CHST11: variants seen among roughly 807,000 people sequenced by gnomAD.
The protein encoded by CHST11 is carbohydrate sulfotransferase 11.
A neutral mutation model predicts 30.4 loss-of-function variants in CHST11; 9 were observed. The ratio of observed to expected loss-of-function variants is 0.30; its 90% CI spans 0.18 to 0.52. The LOEUF (loss-of-function observed/expected upper bound fraction) is 0.52, where lower values mean the gene tolerates loss of function less well. CHST11 is among the 20% of genes least tolerant of loss of function. The pLI, the probability that CHST11 is intolerant of heterozygous loss-of-function variation, is 0.97. For synonymous variants in CHST11, 152 were observed against 187.8 expected (o/e 0.81, Z 1.56); for missense variants, 348 against 460.6 (o/e 0.76, Z 2.24).
At chr12:104,467,349 C>G (rs1301379167) in intron 1 of CHST11, among the ~76,000 whole-genome samples, 1 of 152,134 alleles carries the variant, frequency 6.6e-6, no homozygotes, top group African/African-American at 2.4e-5. Flanking sequence ...AATGGGAAGT[C>G]TGATGTTTCC....
chr12:104,718,603 T>C (rs2040149999), intron 2 of CHST11, among the ~76,000 whole-genome samples: 1 of 152,168 alleles, frequency 6.6e-6, no homozygotes, highest in Admixed American at 6.5e-5. Flanking sequence ...TGCAGTCCCT[T>C]TGAGGAGTGG....
intron 2 of CHST11, among the ~76,000 whole-genome samples, chr12:104,679,050 A>G (rs1351808433): frequency 6.6e-6 from 1 of 152,138 alleles, no homozygotes. Context: ...TGTCGTTGGT[A>G]CTCAGTAGAC....
At chr12:104,698,545 T>C (rs532019507) in intron 2 of CHST11, among the ~76,000 whole-genome samples, 2 of 152,312 alleles carry the variant, frequency 1.3e-5, no homozygotes, top group South Asian at 2.1e-4. Flanking sequence ...CACCCATCTC[T>C]GTAGTCTCAG....
intron 1 of CHST11, among the ~76,000 whole-genome samples, chr12:104,496,104 T>G (rs1293565171): frequency 6.6e-6 from 1 of 152,238 alleles, no homozygotes; most frequent in Non-Finnish European, 1.5e-5. Flanking sequence ...TGAATTCCCT[T>G]GTTAAATGAA....
intron 2 of CHST11, among the ~76,000 whole-genome samples, chr12:104,702,829 G>A (rs180829301): frequency 7.9e-5 from 12 of 152,326 alleles, no homozygotes; most frequent in African/African-American, 2.2e-4. Flanking sequence ...ACAGCGGGTC[G>A]GCGAGAGTCG....
intron 1 of CHST11, among the ~76,000 whole-genome samples, chr12:104,539,120 A>G (rs1429021948): frequency 6.6e-6 from 1 of 152,196 alleles, no homozygotes; most frequent in Non-Finnish European, 1.5e-5. Flanking sequence ...TATATCTGCT[A>G]ACCGTTCTTC....
At chr12:104,541,426 G>A (rs537076900) in intron 1 of CHST11, among the ~76,000 whole-genome samples, 12 of 151,980 alleles carry the variant, frequency 7.9e-5, no homozygotes, top group Non-Finnish European at 1.5e-4. Flanking sequence ...TAGTCATCTC[G>A]GTGCAGCTTT....
chr12:104,625,542 C>T lies in CHST11; in HGVS notation c.204+23551C>T, dbSNP rs557048532. 2.6e-5 allele frequency among the ~76,000 whole-genome samples: 4 copies of T among 152,248 alleles called. No homozygotes were observed. In the South Asian group the frequency reaches 8.3e-4, roughly 32 times the overall value. On this transcript the variant is annotated intron_variant, in intron 2 of 2. Coordinates refer to ENST00000303694, the MANE Select transcript of CHST11 (RefSeq NM_018413.6). ...CTGGTCTTGAACTCCTGACCTCAGG[C>T]GATCCGCCCGCCTTGGCCTCCCAAA...
rs754001693 is a variant in CHST11 at position 104,757,796 on chromosome 12, T to G, written c.1052T>G (p.Leu351Trp). The G allele has an allele frequency of 1.4e-5, 22 of 1,610,624 alleles. No individual in the cohort carries two copies. The highest frequency in any genetic ancestry group is 5.3e-5 in the African/African-American group (4 of 74,844). ...TACTCAGTGCCAAGCTACCTGAAAT[T>G]GGAATAAAGGGGGTGGGGAGAGGGA... ...FNYSVPSYLK[L>W]E The change falls in exon 3 of 3, where the codon TTG (leucine) becomes TGG (tryptophan). Residue 351 changes from leucine to tryptophan, a missense_variant. Physicochemically the swap from Leu to Trp is moderately conservative, Grantham distance 61 (BLOSUM62 -2). Around this residue, in one of 3 missense-constraint regions of CHST11, gnomAD observed 210 missense variants for 287.2 expected, o/e 0.73. Coordinates refer to ENST00000303694, the MANE Select transcript of CHST11 (RefSeq NM_018413.6). This position sits in a 1 kb window ranked among gnomAD's most constrained non-coding sequence, Gnocchi z 6.5.
rs143157513 is a variant in CHST11, at chr12:104,600,327, C to A, written c.119-1579C>A. On this transcript the variant is annotated intron_variant, in intron 1 of 2. Transcript: ENST00000303694. This position sits in a 1 kb window ranked among gnomAD's most constrained non-coding sequence, Gnocchi z 4.1. The stretch of plus-strand genomic sequence containing the variant: ...CCCTGGGCTAACCCCCTGCAGCCAG[C>A]CCTCCCAGTCATTTGAGCTGCACCC... Among the ~76,000 whole-genome samples, 812 of 152,284 alleles carry A rather than the reference C, an allele frequency of 5.3e-3. 3 individuals carry two copies. Among genetic ancestry groups the A allele is most frequent in the African/African-American group, 0.018 (735 of 41,560 alleles).
At chr12:104,635,929 A>G (rs960123417) in intron 2 of CHST11, among the ~76,000 whole-genome samples, 4 of 152,250 alleles carry the variant, frequency 2.6e-5, no homozygotes, top group East Asian at 1.9e-4. Context: ...AATGAACATC[A>G]TTGTCATTCA....
At chr12:104,715,901 C>G (rs1592854903) in intron 2 of CHST11, among the ~76,000 whole-genome samples, 1 of 152,196 alleles carries the variant, frequency 6.6e-6, no homozygotes, top group South Asian at 2.1e-4. Flanking sequence ...TGTGCATTCT[C>G]GATGAGCTAA....
At chr12:104,748,376 C>T (rs1448084776) in intron 2 of CHST11, among the ~76,000 whole-genome samples, 1 of 152,148 alleles carries the variant, frequency 6.6e-6, no homozygotes. Context: ...CAAATTCATA[C>T]GTTGAATTCT....
chr12:104,563,213 G>A (rs935006310), intron 1 of CHST11, among the ~76,000 whole-genome samples: 1 of 152,106 alleles, frequency 6.6e-6, no homozygotes, highest in Non-Finnish European at 1.5e-5. Flanking sequence ...ACTAATTTTT[G>A]TATTTTCAGT....
At chr12:104,565,399 T>C (rs1406648940) in intron 1 of CHST11, among the ~76,000 whole-genome samples, 1 of 151,398 alleles carries the variant, frequency 6.6e-6, no homozygotes, top group East Asian at 1.9e-4. Flanking sequence ...CCCGAGTAGC[T>C]GGGACTACAG....
intron 2 of CHST11, among the ~76,000 whole-genome samples, chr12:104,662,961 C>A (rs181686865): frequency 6.6e-6 from 1 of 152,300 alleles, no homozygotes; most frequent in Admixed American, 6.5e-5. Flanking sequence ...AATTGTGCCA[C>A]GGAGCCCACT....
chr12:104,513,702 C>G (rs546749131), intron 1 of CHST11, among the ~76,000 whole-genome samples: 2 of 152,352 alleles, frequency 1.3e-5, no homozygotes, highest in African/African-American at 4.8e-5. Flanking sequence ...GTATTTGTGT[C>G]TTCCCACAAG....
intron 1 of CHST11, among the ~76,000 whole-genome samples, chr12:104,546,845 G>A (rs1396223823): frequency 6.6e-6 from 1 of 152,230 alleles, no homozygotes; most frequent in Non-Finnish European, 1.5e-5. Flanking sequence ...GTTGGTACAT[G>A]CTCAGGGCAT....
chr12:104,497,654 C>T (rs1226467259), intron 1 of CHST11, among the ~76,000 whole-genome samples: 2 of 152,136 alleles, frequency 1.3e-5, no homozygotes, highest in Non-Finnish European at 2.9e-5. Flanking sequence ...TGGGGTTTTC[C>T]ATGAGGAACC....
Sources: gnomAD v4.1 joint callset for allele counts (sites outside exome capture counted in the v4.1 genomes callset) on GRCh38, gnomAD v4.1.1 for gene constraint, gnomAD v4.1.1 regional missense constraint, Gnocchi (gnomAD v3.1) non-coding constraint, MANE v1.5 for transcripts, NCBI Gene and HGNC (gene_info 2026-07-23, HGNC 2026-07-21) for gene names.